The following MAPK8IP3 variants were observed in gnomAD, a reference collection of about 807,000 sequenced individuals.
The protein encoded by MAPK8IP3 is C-Jun-amino-terminal kinase-interacting protein 3.
In MAPK8IP3, 49 loss-of-function variants were observed where a neutral mutation model predicts 157.8. The ratio of observed to expected loss-of-function variants is 0.31; its 90% CI spans 0.25 to 0.39. The LOEUF (loss-of-function observed/expected upper bound fraction) is 0.39, where lower values mean the gene tolerates loss of function less well. Among genes scored for constraint, MAPK8IP3 ranks in the 10% least tolerant of loss-of-function variants. The probability of loss-of-function intolerance (pLI) is 1.00; values close to 1 mark genes in which losing one functional copy is unlikely to be tolerated. For synonymous variants in MAPK8IP3, 897 were observed against 777.7 expected (o/e 1.15, Z -2.55); for missense variants, 1,478 against 1,889.4 (o/e 0.78, Z 4.04).
chr16:1,738,804 C>T (rs374250113), intron 4 of MAPK8IP3, among the ~76,000 whole-genome samples: 2,721 of 51,544 alleles, frequency 0.053, 1 homozygote, highest in African/African-American at 0.12. Flanking sequence ...AGTGTGACCA[C>T]CCATGTGAGC....
intron 1 of MAPK8IP3, among the ~76,000 whole-genome samples, chr16:1,718,370 G>C (rs796623533): frequency 1.4e-3 from 208 of 151,556 alleles, no homozygotes; most frequent in African/African-American, 4.9e-3. Context: ...TTTTAGTAGA[G>C]ACGGGGTTTC....
Position 1,706,765 on chromosome 16 carries a change from G to C in MAPK8IP3, c.318+108G>C, listed in dbSNP as rs1041696290. 3.2e-6 allele frequency: 4 copies of C among 1,244,148 alleles called. No homozygotes were observed. The highest frequency in any genetic ancestry group is 4.3e-6 in the Non-Finnish European group (4 of 936,560). 77.1% of individuals were successfully genotyped at this position (1,244,148 alleles called of 1,614,324 possible). ...CCCCAGACCCCGCTCCGGCACCCCG[G>C]ACCGCGGGACCCCTGGACCCCCAGA... On this transcript the variant is annotated intron_variant, in intron 1 of 31. Coordinates refer to ENST00000610761, the MANE Select transcript of MAPK8IP3 (RefSeq NM_001318852.2). The surrounding 1 kb of genome is among the most constrained non-coding windows in gnomAD (Gnocchi z 5.1).
chr16:1,726,638 T>G (rs544495643), intron 2 of MAPK8IP3, among the ~76,000 whole-genome samples: 3 of 152,142 alleles, frequency 2.0e-5, no homozygotes, highest in Non-Finnish European at 2.9e-5. Context: ...ATCACGCCAC[T>G]GCACCCCAGC....
At chr16:1,752,436 G>A (rs757124131) in intron 8 of MAPK8IP3, 33 of 333,944 alleles carry the variant, frequency 9.9e-5, no homozygotes, top group Middle Eastern at 8.9e-4. Context: ...AGCCTTAAAC[G>A]TAATGCGTAT....
Position 1,729,574 on chromosome 16 carries a change from C to A in MAPK8IP3, c.598C>A (p.Arg200=). 1.3e-6 allele frequency: 2 copies of A among 1,595,750 alleles called. No homozygotes were observed. Among genetic ancestry groups the A allele is most frequent in the Non-Finnish European group, 1.7e-6 (2 of 1,169,344 alleles). Residue 200 remains arginine (R), a synonymous_variant, in exon 4 of 32, where the codon CGG becomes AGG. Transcript: ENST00000610761. ...NSQTESSLPG[R]SRKERPTSLN... ...CCAGACCGAGAGCAGCCTGCCGGGG[C>A]GGAGGTACGCGGGGCGCGGCGGGGT... is the stretch of plus-strand genomic sequence containing the variant.
At chr16:1,759,084 A>ATGGGGACAGTGT in intron 10 of MAPK8IP3, 89 bp downstream of exon 10, 1 of 1,562,256 alleles carries the variant, frequency 6.4e-7, no homozygotes, top group South Asian at 1.1e-5. Context: ...GTTCTGCATG[A>ATGGGGACAGTGT]TGGGGACAGT....
At chr16:1,765,220 C>T (rs774098403) in intron 20 of MAPK8IP3, 42 bp downstream of exon 20, 10 of 1,554,850 alleles carry the variant, frequency 6.4e-6, no homozygotes, top group Admixed American at 1.8e-5. Context: ...GCGCCACTCC[C>T]TTTTACTAGC....
At chr16:1,720,853 T>G (rs2038469107) in intron 1 of MAPK8IP3, among the ~76,000 whole-genome samples, 1 of 151,592 alleles carries the variant, frequency 6.6e-6, no homozygotes, top group Non-Finnish European at 1.5e-5. Flanking sequence ...GCTAACACGG[T>G]GAAACCCCGT....
chr16:1,760,447 G>T lies in MAPK8IP3; in HGVS notation c.1372G>T (p.Val458Leu). Residue 458 changes from valine (V) to leucine (L), a missense_variant, in exon 12 of 32, where the codon GTG (valine) becomes TTG (leucine). Coordinates refer to ENST00000610761, the MANE Select transcript of MAPK8IP3 (RefSeq NM_001318852.2). ...CGACCAGCTGTCCGGGGAGCAGGAG[G>T]TGCTGAGGGGCGAGTTGGAGGCTGC... ...KVDQLSGEQE[V>L]LRGELEAAKQ... is the part of the protein sequence containing the mutation. The T allele has an allele frequency of 1.9e-6, 3 of 1,614,044 alleles. No individual in the cohort carries two copies. Among genetic ancestry groups the T allele is most frequent in the East Asian group, 2.2e-5 (1 of 44,882 alleles).
chr16:1,739,426 G>A lies in MAPK8IP3; in HGVS notation c.603-3906G>A, dbSNP rs147076168. Reference sequence around the variant, plus strand: ...CGTCCATGTGAGCATCCCTGTGACCGTCCGTGTGAGCCTCCGTGTGACCGT... The same window carrying A: ...CGTCCATGTGAGCATCCCTGTGACCATCCGTGTGAGCCTCCGTGTGACCGT... On this transcript the variant is annotated intron_variant, in intron 4 of 31. Coordinates refer to ENST00000610761, the MANE Select transcript of MAPK8IP3 (RefSeq NM_001318852.2). Among the ~76,000 whole-genome samples the A allele has an allele frequency of 5.4e-3, 760 of 141,142 alleles. 3 individuals are homozygous for A. Among genetic ancestry groups the A allele is most frequent in the Non-Finnish European group, 8.5e-3 (551 of 64,828 alleles). The allele number at this position is 141,142 out of a possible 152,430, so 92.6% of individuals were successfully genotyped here.
chr16:1,744,688 C>T (rs559804948), intron 5 of MAPK8IP3: 2 of 985,378 alleles, frequency 2.0e-6, no homozygotes, highest in Non-Finnish European at 1.2e-6. Flanking sequence ...CCTTGCTTGA[C>T]GCTCTCTGGC....
rs980346919 is a variant in MAPK8IP3, at chr16:1,744,270, A to T, written c.747+794A>T. On this transcript the variant is annotated intron_variant, in intron 5 of 31. Coordinates refer to ENST00000610761, the MANE Select transcript of MAPK8IP3 (RefSeq NM_001318852.2). ...CCACAGGGGCCGTCAGAGGATGTCCACAGAGGCAGAGCCCTTGGGGCCTGT... is the reference window on the plus strand; with the variant it reads ...CCACAGGGGCCGTCAGAGGATGTCCTCAGAGGCAGAGCCCTTGGGGCCTGT... The T allele has an allele frequency of 9.1e-6, 9 of 985,580 alleles. No individual in the cohort carries two copies. In the African/African-American group the frequency reaches 1.4e-4, roughly 15 times the overall value. The allele number at this position is 985,580 out of a possible 1,614,324, so 61.1% of individuals were successfully genotyped here. A position where few individuals can be genotyped will look rare whatever the true frequency, so the allele number is the denominator to read the frequency against.
chr16:1,716,797 G>A (rs561035803), intron 1 of MAPK8IP3, among the ~76,000 whole-genome samples: 2 of 152,142 alleles, frequency 1.3e-5, no homozygotes, highest in South Asian at 2.1e-4. Flanking sequence ...AGTGGTTCAC[G>A]CCTGTAATCC....
At chr16:1,737,906 C>G (rs1320945721) in intron 4 of MAPK8IP3, among the ~76,000 whole-genome samples, 14 of 55,116 alleles carry the variant, frequency 2.5e-4, no homozygotes, top group East Asian at 7.6e-4. Flanking sequence ...GAGCGTGTGA[C>G]CGTCCGTGTG....
In MAPK8IP3 at chr16:1,737,433, T is replaced by G. The variant is rs866590606; in HGVS notation, c.603-5899T>G. Among the ~76,000 whole-genome samples, 5 of 63,390 alleles carry G rather than the reference T, an allele frequency of 7.9e-5. 1 individual carries two copies. Among genetic ancestry groups the G allele is most frequent in the Non-Finnish European group, 1.5e-4 (5 of 33,546 alleles). 41.6% of individuals were successfully genotyped at this position (63,390 alleles called of 152,430 possible). On this transcript the variant is annotated intron_variant, in intron 4 of 31. Coordinates refer to ENST00000610761, the MANE Select transcript of MAPK8IP3 (RefSeq NM_001318852.2). ...CCGTCCGTGTGAGCGTCCGTGTGAG[T>G]GTGTGAGCGTCCGTGTGAGTGTGAC... is the stretch of plus-strand genomic sequence containing the variant.
rs954685440 is a variant in MAPK8IP3, at chr16:1,742,911, A to G, written c.603-421A>G. Reference sequence around the variant, plus strand: ...GCCGAGGCAGGCGGATCATCAGGTCAGGAGATCGAGACCATCCTGGCTAAC... The same window carrying G: ...GCCGAGGCAGGCGGATCATCAGGTCGGGAGATCGAGACCATCCTGGCTAAC... On this transcript the variant is annotated intron_variant, in intron 4 of 31. Transcript: ENST00000610761. This position sits in a 1 kb window ranked among gnomAD's most constrained non-coding sequence, Gnocchi z 5.0. 3.9e-5 allele frequency among the ~76,000 whole-genome samples: 6 copies of G among 151,984 alleles called. No homozygotes were observed. Among genetic ancestry groups the G allele is most frequent in the African/African-American group, 1.5e-4 (6 of 41,354 alleles).
intron 13 of MAPK8IP3, among the ~76,000 whole-genome samples, chr16:1,761,583 C>G (rs944876772): frequency 6.7e-6 from 1 of 149,998 alleles, no homozygotes; most frequent in Admixed American, 6.6e-5. Context: ...CCACCATTCA[C>G]CATTCACAGG....
At chr16:1,758,206 G>A (rs753705824) in intron 9 of MAPK8IP3, 47 bp downstream of exon 9, 17 of 1,609,892 alleles carry the variant, frequency 1.1e-5, no homozygotes, top group Non-Finnish European at 1.4e-5. Flanking sequence ...GTGACGGGGG[G>A]AGTGGGTGGA....
intron 8 of MAPK8IP3, 34 bp from the exon 9 acceptor site, chr16:1,758,114 C>T (rs1201666880): frequency 3.7e-6 from 6 of 1,612,594 alleles, no homozygotes; most frequent in Admixed American, 1.7e-5. Context: ...TCCCTTCCTT[C>T]CCCTGCCTCT....
Sources: gnomAD v4.1 joint callset for allele counts (sites outside exome capture counted in the v4.1 genomes callset) on GRCh38, gnomAD v4.1.1 for gene constraint, Gnocchi (gnomAD v3.1) non-coding constraint, MANE v1.5 for transcripts, NCBI Gene and HGNC (gene_info 2026-07-23, HGNC 2026-07-21) for gene names.